The following ERBB4 variants were observed in gnomAD, a reference collection of about 807,000 sequenced individuals.
ERBB4 encodes receptor tyrosine-protein kinase erbB-4.
In ERBB4, 42 loss-of-function variants were observed where a neutral mutation model predicts 158.0. That is an observed-to-expected ratio of 0.27 (90% CI 0.21 to 0.34). The LOEUF is 0.34. Among genes scored for constraint, ERBB4 ranks in the 10% least tolerant of loss-of-function variants. The probability of loss-of-function intolerance (pLI) is 1.00; values close to 1 mark genes in which losing one functional copy is unlikely to be tolerated. For synonymous variants in ERBB4, 583 were observed against 558.7 expected (o/e 1.04, Z -0.61); for missense variants, 1,333 against 1,624.1 (o/e 0.82, Z 3.08).
intron 2 of ERBB4, among the ~76,000 whole-genome samples, chr2:212,062,219 C>G (rs749758731): frequency 3.0e-4 from 46 of 152,050 alleles, no homozygotes; most frequent in Non-Finnish European, 5.6e-4. Flanking sequence ...TCACAAAAGT[C>G]TACATGTATA....
intron 12 of ERBB4, among the ~76,000 whole-genome samples, chr2:211,692,081 G>A (rs183794472): frequency 3.9e-5 from 6 of 152,246 alleles, no homozygotes; most frequent in East Asian, 1.9e-4. Context: ...AGAGATAGGC[G>A]TTTGACCCAA....
rs757925175 is a variant in ERBB4, at chr2:212,368,184, CATCA to C, written c.82+170261_82+170264del. 2.2e-4 allele frequency among the ~76,000 whole-genome samples: 34 copies of C among 152,094 alleles called. 1 individual carries two copies. Among genetic ancestry groups the C allele is most frequent in the Non-Finnish European group, 4.6e-4 (31 of 68,030 alleles). On this transcript the variant is annotated intron_variant, in intron 1 of 27. Coordinates refer to ENST00000342788, the MANE Select transcript of ERBB4 (RefSeq NM_005235.3). ...AAATCGTGGAAGCAACCCAAATGCC[CATCA>C]ATCAATGAATGGACAATGAAATTGT...
intron 1 of ERBB4, among the ~76,000 whole-genome samples, chr2:212,391,722 ATT>A (rs1291381877): frequency 5.2e-4 from 73 of 140,234 alleles, no homozygotes; most frequent in African/African-American, 1.9e-3. Context: ...TGACATATAT[ATT>A]ATATATATGA....
chr2:212,326,411 T>C (rs1237538890), intron 1 of ERBB4, among the ~76,000 whole-genome samples: 2 of 150,734 alleles, frequency 1.3e-5, no homozygotes, highest in African/African-American at 4.8e-5. Flanking sequence ...TAAATGCTCA[T>C]TTAAATAAAA....
intron 2 of ERBB4, among the ~76,000 whole-genome samples, chr2:212,030,476 T>C (rs1298084793): frequency 6.6e-6 from 1 of 152,154 alleles, no homozygotes; most frequent in East Asian, 1.9e-4. Context: ...AGAGACAATG[T>C]TGTCTTAGTT....
rs2125310353 is a variant in ERBB4 at position 211,383,849 on chromosome 2, C to T, written c.3693G>A (p.Glu1231=). 1 of 1,614,140 alleles carries T rather than the reference C, an allele frequency of 6.2e-7. No individual in the cohort carries two copies. The highest frequency in any genetic ancestry group is 1.1e-5 in the South Asian group (1 of 91,076). The change falls in exon 28 of 28, where the codon GAG becomes GAA. Residue 1231 remains glutamate, a synonymous_variant. Coordinates refer to ENST00000342788, the MANE Select transcript of ERBB4 (RefSeq NM_005235.3). The part of the protein sequence containing the change: ...YLKNNILSMP[E]KAKKAFDNPD... ...GGTTGTCAAACGCTTTCTTGGCCTTCTCTGGCATTGACAGTATGTTGTTCT... is the reference window on the plus strand; with the variant it reads ...GGTTGTCAAACGCTTTCTTGGCCTTTTCTGGCATTGACAGTATGTTGTTCT...
chr2:212,010,461 G>A (rs1214786700), intron 2 of ERBB4, among the ~76,000 whole-genome samples: 1 of 152,064 alleles, frequency 6.6e-6, no homozygotes, highest in African/African-American at 2.4e-5. Context: ...TAATAACAGA[G>A]AGTAAGTACA....
intron 1 of ERBB4, among the ~76,000 whole-genome samples, chr2:212,523,319 CCTAA>C (rs1445990979): frequency 2.6e-5 from 4 of 151,854 alleles, no homozygotes; most frequent in African/African-American, 7.3e-5. Context: ...TCCTGCTGTG[CCTAA>C]CTATGTTCCC....
chr2:211,588,874 C>T (rs1345286775), intron 19 of ERBB4, among the ~76,000 whole-genome samples: 1 of 152,108 alleles, frequency 6.6e-6, no homozygotes, highest in Non-Finnish European at 1.5e-5. Context: ...ACAAAAAAAT[C>T]TTGGGCACAT....
At chr2:211,952,290 A>C (rs1352697005) in intron 2 of ERBB4, among the ~76,000 whole-genome samples, 1 of 152,090 alleles carries the variant, frequency 6.6e-6, no homozygotes, top group African/African-American at 2.4e-5. Context: ...ACTGACTACA[A>C]ATAAAAACAA....
intron 1 of ERBB4, among the ~76,000 whole-genome samples, chr2:212,413,802 G>A (rs940756620): frequency 2.0e-5 from 3 of 151,996 alleles, no homozygotes; most frequent in African/African-American, 4.8e-5. Flanking sequence ...ATTATAAAAA[G>A]CCACACAATA....
At chr2:211,826,975 G>A (rs1164832551) in intron 3 of ERBB4, among the ~76,000 whole-genome samples, 3 of 151,918 alleles carry the variant, frequency 2.0e-5, no homozygotes, top group African/African-American at 7.2e-5. Flanking sequence ...ACACATGCAG[G>A]TACACGGTTT....
intron 8 of ERBB4, among the ~76,000 whole-genome samples, chr2:211,713,328 C>A (rs1032089738): frequency 6.6e-6 from 1 of 151,896 alleles, no homozygotes; most frequent in Admixed American, 6.6e-5. Context: ...TTTTTCTGGG[C>A]CATTTTAGTA....
chr2:212,488,344 C>T (rs1019308740), intron 1 of ERBB4, among the ~76,000 whole-genome samples: 2 of 149,292 alleles, frequency 1.3e-5, no homozygotes, highest in African/African-American at 4.9e-5. Context: ...TCTCTCTCTC[C>T]TCTCTCTCAC....
At chr2:211,953,657 T>C (rs1229115875) in intron 2 of ERBB4, among the ~76,000 whole-genome samples, 1 of 151,942 alleles carries the variant, frequency 6.6e-6, no homozygotes, top group Non-Finnish European at 1.5e-5. Context: ...CTGATTGATT[T>C]CCATTGTCAA....
intron 1 of ERBB4, among the ~76,000 whole-genome samples, chr2:212,510,005 A>C (rs1053395705): frequency 6.6e-6 from 1 of 151,682 alleles, no homozygotes; most frequent in Non-Finnish European, 1.5e-5. Flanking sequence ...TATCAATTAG[A>C]AACATTTTAA....
chr2:211,749,153 G>A (rs2075056443), intron 5 of ERBB4, among the ~76,000 whole-genome samples: 1 of 152,016 alleles, frequency 6.6e-6, no homozygotes, highest in African/African-American at 2.4e-5. Context: ...TTCGTCCAAA[G>A]AATAGGGAGG....
chr2:211,517,298 T>C (rs2125630685), intron 20 of ERBB4, among the ~76,000 whole-genome samples: 1 of 152,254 alleles, frequency 6.6e-6, no homozygotes, highest in Non-Finnish European at 1.5e-5. Flanking sequence ...TGATACCTTC[T>C]CATTCAATTT....
intron 1 of ERBB4, among the ~76,000 whole-genome samples, chr2:212,313,511 C>T (rs1041215026): frequency 2.0e-5 from 3 of 150,028 alleles, no homozygotes; most frequent in African/African-American, 7.3e-5. Flanking sequence ...TTCTTTTTTA[C>T]TGTCAATGAT....
Sources: gnomAD v4.1 joint callset for allele counts (sites outside exome capture counted in the v4.1 genomes callset) on GRCh38, gnomAD v4.1.1 for gene constraint, MANE v1.5 for transcripts, NCBI Gene and HGNC (gene_info 2026-07-23, HGNC 2026-07-21) for gene names.